Variants in RGS22 observed in about 807,000 individuals in gnomAD.
The protein encoded by RGS22 is regulator of G protein signaling 22.
RGS22 carries 148 observed loss-of-function variants against 172.9 expected under a neutral mutation model. The observed-to-expected ratio is 0.86, with a 90% CI of 0.75 to 0.98. RGS22 has a LOEUF of 0.98. Ranked by LOEUF, RGS22 falls within the 50% of genes least tolerant of loss-of-function variation. The pLI, the probability that RGS22 is intolerant of heterozygous loss-of-function variation, is 0.00. For missense variants in RGS22, 1,347 were observed against 1,440.8 expected, an observed-to-expected ratio of 0.93 and a Z score of 1.05; for synonymous variants, 458 against 480.2, an observed-to-expected ratio of 0.95 and a Z score of 0.60.
chr8:100,044,163 A>T lies in RGS22; in HGVS notation c.1824-2247T>A, dbSNP rs1372359708. Among the ~76,000 whole-genome samples the T allele has an allele frequency of 2.6e-5, 4 of 152,362 alleles. No individual in the cohort carries two copies. In the East Asian group the frequency reaches 5.8e-4, roughly 22 times the overall value. ...TCTATCAAGTACTTAAAGAAGAACT[A>T]ATATGCAGTTCTTCCCAAATTCTTA... On this transcript the variant is annotated intron_variant, in intron 11 of 27. Coordinates refer to ENST00000360863, the MANE Select transcript of RGS22 (RefSeq NM_015668.5).
chr8:100,002,520 T>A (rs745949739), intron 17 of RGS22, among the ~76,000 whole-genome samples, 156 bp from the exon 18 acceptor site: 1 of 152,184 alleles, frequency 6.6e-6, no homozygotes, highest in Non-Finnish European at 1.5e-5. Context: ...GTATCTCTGA[T>A]CCCTTTCTAG....
At chr8:99,961,848 A>T (rs1393842868) in intron 27 of RGS22, among the ~76,000 whole-genome samples, 3 of 152,164 alleles carry the variant, frequency 2.0e-5, no homozygotes, top group Non-Finnish European at 1.5e-5. Flanking sequence ...CCAGAAAACT[A>T]AGGATGTTAA....
chr8:100,075,582 G>A (rs1274652298), intron 4 of RGS22, among the ~76,000 whole-genome samples: 1 of 152,176 alleles, frequency 6.6e-6, no homozygotes, highest in Non-Finnish European at 1.5e-5. Flanking sequence ...GTTTAACTTG[G>A]AAAGAAGTGC....
chr8:100,098,926 AT>A (rs61369056), intron 2 of RGS22, among the ~76,000 whole-genome samples: 4,003 of 112,836 alleles, frequency 0.035, 302 homozygotes, highest in African/African-American at 0.12. Context: ...ATTTTATTTT[AT>A]TTATTTTTTA....
chr8:100,080,034 A>G, intron 4 of RGS22, 100 bp downstream of exon 4: 2 of 811,470 alleles, frequency 2.5e-6, no homozygotes, highest in South Asian at 3.4e-5. Context: ...ACAAGCTAAT[A>G]AATGTAGCTA....
At chr8:99,979,182 T>C (rs1052847741) in intron 22 of RGS22, among the ~76,000 whole-genome samples, 19 of 152,198 alleles carry the variant, frequency 1.2e-4, no homozygotes, top group African/African-American at 4.3e-4. Context: ...TAAGGGATCA[T>C]GGCAGTTTTT....
chr8:100,066,192 T>C lies in RGS22; in HGVS notation c.699A>G (p.Lys233=). ...LPCCVPYNKL[K]SPAISSVSEN... ...CAGAAACAGATGAAATAGCTGGTGA[T>C]TTAAGTTTGTTGTAGGGTACACAAC... The change falls in exon 7 of 28, where the codon AAA becomes AAG. Residue 233 remains lysine (K), a synonymous_variant. Coordinates refer to ENST00000360863, the MANE Select transcript of RGS22 (RefSeq NM_015668.5). The C allele has an allele frequency of 6.2e-7, 1 of 1,612,882 alleles. No homozygotes were observed. Among genetic ancestry groups the C allele is most frequent in the Non-Finnish European group, 8.5e-7 (1 of 1,179,292 alleles).
chr8:100,020,223 C>T (rs930393088), intron 14 of RGS22, among the ~76,000 whole-genome samples: 4 of 152,156 alleles, frequency 2.6e-5, no homozygotes, highest in African/African-American at 9.7e-5. Flanking sequence ...CACTAAGGTT[C>T]TGCCTGATGG....
At chr8:100,029,102 T>A (rs1286709462) in intron 14 of RGS22, among the ~76,000 whole-genome samples, 1 of 152,064 alleles carries the variant, frequency 6.6e-6, no homozygotes, top group Admixed American at 6.6e-5. Context: ...AGGCCATCAG[T>A]CTAACAATGT....
intron 14 of RGS22, among the ~76,000 whole-genome samples, chr8:100,016,633 C>G (rs543226262): frequency 1.3e-5 from 2 of 152,006 alleles, no homozygotes; most frequent in African/African-American, 4.8e-5. Flanking sequence ...AAAAATTAGC[C>G]GGGCATGGTG....
At chr8:99,962,275 C>T (rs73274908) in intron 27 of RGS22, 119 bp downstream of exon 27, 40,364 of 666,028 alleles carry the variant, frequency 0.061, 1,781 homozygotes, top group African/African-American at 0.16. Flanking sequence ...TCCCCATCGA[C>T]TTATTAGTGG....
intron 23 of RGS22, among the ~76,000 whole-genome samples, chr8:99,965,966 T>G (rs1810687291): frequency 6.6e-6 from 1 of 152,208 alleles, no homozygotes; most frequent in South Asian, 2.1e-4. Flanking sequence ...TAGTATGCAC[T>G]CAAATATTTG....
intron 14 of RGS22, among the ~76,000 whole-genome samples, chr8:100,016,640 G>T (rs1163836711): frequency 6.6e-6 from 1 of 152,068 alleles, no homozygotes; most frequent in African/African-American, 2.4e-5. Flanking sequence ...AGCCGGGCAT[G>T]GTGGCAGGCG....
intron 12 of RGS22, among the ~76,000 whole-genome samples, chr8:100,040,348 C>A (rs1172543027): frequency 2.0e-5 from 3 of 152,154 alleles, no homozygotes; most frequent in Non-Finnish European, 4.4e-5. Flanking sequence ...AGCAACTTCC[C>A]AGCCTCAATT....
intron 19 of RGS22, among the ~76,000 whole-genome samples, chr8:99,998,651 A>C (rs1193051933): frequency 6.6e-6 from 1 of 151,982 alleles, no homozygotes; most frequent in Non-Finnish European, 1.5e-5. Context: ...AAAAAAAATT[A>C]TTATTATTAT....
chr8:100,014,673 C>T (rs2131406586), intron 14 of RGS22, among the ~76,000 whole-genome samples: 1 of 152,322 alleles, frequency 6.6e-6, no homozygotes, highest in East Asian at 1.9e-4. Flanking sequence ...TCCTTTTCCT[C>T]CATTCCTCCC....
At chr8:99,973,574 A>G (rs1811601602) in intron 23 of RGS22, among the ~76,000 whole-genome samples, 1 of 152,076 alleles carries the variant, frequency 6.6e-6, no homozygotes, top group African/African-American at 2.4e-5. Flanking sequence ...GTGGGGCTTA[A>G]AACCTAGATG....
intron 11 of RGS22, among the ~76,000 whole-genome samples, chr8:100,045,814 T>C (rs896497215): frequency 2.0e-5 from 3 of 151,718 alleles, no homozygotes; most frequent in African/African-American, 7.2e-5. Context: ...TTTCACTTGT[T>C]TCATCACCTG....
chr8:100,084,990 C>T (rs890041931), intron 3 of RGS22, among the ~76,000 whole-genome samples: 1 of 152,142 alleles, frequency 6.6e-6, no homozygotes, highest in Non-Finnish European at 1.5e-5. Flanking sequence ...GGTTATCACA[C>T]TTTAAAAGGG....
Sources: gnomAD v4.1 joint callset for allele counts (sites outside exome capture counted in the v4.1 genomes callset) on GRCh38, gnomAD v4.1.1 for gene constraint, MANE v1.5 for transcripts, NCBI Gene and HGNC (gene_info 2026-07-23, HGNC 2026-07-21) for gene names.